The following B3GALT1 variants were observed in gnomAD, a reference collection of about 807,000 sequenced individuals.
B3GALT1 encodes beta-1,3-galactosyltransferase 1.
In B3GALT1, 10 loss-of-function variants were observed where a neutral mutation model predicts 23.2. The observed-to-expected ratio is 0.43, with a 90% CI of 0.27 to 0.73. The LOEUF (loss-of-function observed/expected upper bound fraction) is 0.73. B3GALT1 is among the 30% of genes least tolerant of loss of function. The pLI, the probability that B3GALT1 is intolerant of heterozygous loss-of-function variation, is 0.21. For missense variants in B3GALT1, 299 were observed against 405.4 expected (o/e 0.74, Z 2.25); for synonymous variants, 156 against 141.5 (o/e 1.10, Z -0.73).
intron 1 of B3GALT1, among the ~76,000 whole-genome samples, chr2:167,467,983 TTG>T (rs1454929870): frequency 8.5e-5 from 13 of 152,114 alleles, no homozygotes; most frequent in African/African-American, 3.1e-4. Context: ...AATATGTTAG[TTG>T]GTGATAGTGC....
At chr2:167,450,773 T>C (rs143980057) in intron 1 of B3GALT1, among the ~76,000 whole-genome samples, 2,649 of 152,326 alleles carry the variant, frequency 0.017, 85 homozygotes, top group African/African-American at 0.061. Context: ...TCCTCAATTA[T>C]TCCCCCAAAT....
intron 1 of B3GALT1, among the ~76,000 whole-genome samples, chr2:167,415,046 T>C (rs892602479): frequency 3.3e-5 from 5 of 152,224 alleles, no homozygotes; most frequent in Non-Finnish European, 5.9e-5. Flanking sequence ...ATGAGATAGA[T>C]ATGTTATACC....
At chr2:167,786,606 C>T (rs754264560) in intron 3 of B3GALT1, among the ~76,000 whole-genome samples, 8 of 152,140 alleles carry the variant, frequency 5.3e-5, no homozygotes, top group Non-Finnish European at 1.2e-4. Flanking sequence ...TATCTTTATT[C>T]CTTTGTCTCA....
chr2:167,524,867 T>TA (rs1350864081), intron 2 of B3GALT1, among the ~76,000 whole-genome samples: 1 of 152,224 alleles, frequency 6.6e-6, no homozygotes, highest in Non-Finnish European at 1.5e-5. Context: ...GACGTTTTCA[T>TA]ATCAGTATGT....
At chr2:167,846,395 G>T (rs1484054709) in intron 4 of B3GALT1, among the ~76,000 whole-genome samples, 2 of 152,158 alleles carry the variant, frequency 1.3e-5, no homozygotes, top group Non-Finnish European at 2.9e-5. Context: ...AATAACAGCA[G>T]ATTTCTCAGC....
At chr2:167,397,616 T>C (rs1698118863) in intron 1 of B3GALT1, among the ~76,000 whole-genome samples, 1 of 152,162 alleles carries the variant, frequency 6.6e-6, no homozygotes, top group Admixed American at 6.6e-5. Context: ...TCAAATGTTT[T>C]ATATTGCATA....
intron 1 of B3GALT1, among the ~76,000 whole-genome samples, chr2:167,478,707 T>A (rs4383297): frequency 1.3e-5 from 2 of 149,624 alleles, no homozygotes; most frequent in South Asian, 2.1e-4. Context: ...CTAATGCTAT[T>A]CGTCCCTCCT....
intron 2 of B3GALT1, among the ~76,000 whole-genome samples, chr2:167,628,944 A>G (rs1337599133): frequency 4.6e-5 from 7 of 151,700 alleles, no homozygotes; most frequent in Non-Finnish European, 1.0e-4. Context: ...CATAGGGCAC[A>G]TGGTATAGAA....
intron 3 of B3GALT1, among the ~76,000 whole-genome samples, chr2:167,678,474 TTA>T (rs1686467883): frequency 8.5e-6 from 1 of 118,248 alleles, no homozygotes; most frequent in Non-Finnish European, 2.1e-5. Flanking sequence ...CTGCACCTTA[TTA>T]TTTTTTTTAG....
rs550993126 is a variant in B3GALT1, at chr2:167,675,308, C to A, written c.-352+28342C>A. Among the ~76,000 whole-genome samples, 3 of 152,330 alleles carry A rather than the reference C, an allele frequency of 2.0e-5. No homozygotes were observed. In the South Asian group the frequency reaches 6.2e-4, roughly 32 times the overall value. ...TTGTCACATTGGCTCTCAACGCTGT[C>A]ATACTCCAAGCCCCATTTTTATAGC... is the stretch of plus-strand genomic sequence containing the variant. On this transcript the variant is annotated intron_variant, in intron 3 of 4. Coordinates refer to ENST00000392690, the MANE Select transcript of B3GALT1 (RefSeq NM_020981.4).
At position 167,663,162 on chromosome 2, in the gene B3GALT1, A is replaced by T. The variant is rs1008007352; in HGVS notation, c.-352+16196A>T. Among the ~76,000 whole-genome samples the T allele has an allele frequency of 1.7e-4, 21 of 126,874 alleles. No homozygotes were observed. In the South Asian group the frequency reaches 3.7e-3, roughly 23 times the overall value. The allele number at this position is 126,874 out of a possible 152,430, so 83.2% of individuals were successfully genotyped here. ...GTGTGATGTTCCCCTTCCTGTGTCC[A>T]TGTGTTCTCATTGTTCAATTCCCAC... On this transcript the variant is annotated intron_variant, in intron 3 of 4. Transcript: ENST00000392690.
At chr2:167,608,979 T>G (rs6726860) in intron 2 of B3GALT1, among the ~76,000 whole-genome samples, 13,634 of 152,084 alleles carry the variant, frequency 0.09, 1,707 homozygotes, top group African/African-American at 0.28. Flanking sequence ...GATCAGCTCC[T>G]AAGGCCCCTG....
chr2:167,353,725 G>A (rs1697356190), intron 1 of B3GALT1, among the ~76,000 whole-genome samples: 1 of 151,984 alleles, frequency 6.6e-6, no homozygotes, highest in South Asian at 2.1e-4. Context: ...TGTCAGTTTA[G>A]GAGACTCTTG....
At chr2:167,616,609 C>T (rs1372842431) in intron 2 of B3GALT1, among the ~76,000 whole-genome samples, 2 of 151,844 alleles carry the variant, frequency 1.3e-5, no homozygotes, top group African/African-American at 4.8e-5. Context: ...GGCTGAGAAT[C>T]GCTTGAACCT....
intron 3 of B3GALT1, among the ~76,000 whole-genome samples, chr2:167,656,459 A>G (rs1685957644): frequency 6.6e-6 from 1 of 152,164 alleles, no homozygotes; most frequent in Admixed American, 6.6e-5. Context: ...GTAGAGTTGA[A>G]TTATTTTTAC....
intron 3 of B3GALT1, among the ~76,000 whole-genome samples, chr2:167,722,842 A>C (rs1687255505): frequency 6.6e-6 from 1 of 152,214 alleles, no homozygotes; most frequent in African/African-American, 2.4e-5. Flanking sequence ...TTGGCCCCAA[A>C]ATTATTTCTT....
intron 3 of B3GALT1, among the ~76,000 whole-genome samples, chr2:167,812,979 G>A (rs61336886): frequency 0.13 from 13,239 of 104,834 alleles, 1,168 homozygotes; most frequent in African/African-American, 0.31. Flanking sequence ...ACACACACAC[G>A]CACCACCACC....
chr2:167,455,568 C>T (rs1362096197), intron 1 of B3GALT1, among the ~76,000 whole-genome samples: 1 of 152,138 alleles, frequency 6.6e-6, no homozygotes, highest in Non-Finnish European at 1.5e-5. Context: ...GACTGGAGTG[C>T]AGTGGTGCGA....
intron 1 of B3GALT1, among the ~76,000 whole-genome samples, chr2:167,389,099 G>C (rs1052306859): frequency 1.3e-5 from 2 of 152,110 alleles, no homozygotes; most frequent in Non-Finnish European, 1.5e-5. Context: ...TGGTTACAAA[G>C]AGAGCCAGTA....
Sources: gnomAD v4.1 joint callset for allele counts (sites outside exome capture counted in the v4.1 genomes callset) on GRCh38, gnomAD v4.1.1 for gene constraint, MANE v1.5 for transcripts, NCBI Gene and HGNC (gene_info 2026-07-23, HGNC 2026-07-21) for gene names.